DPP10: variants seen among roughly 807,000 people sequenced by gnomAD.
The protein encoded by DPP10 is dipeptidyl peptidase like 10.
In DPP10, 33 loss-of-function variants were observed where a neutral mutation model predicts 120.9. That is an observed-to-expected ratio of 0.27 (90% CI 0.21 to 0.37). The LOEUF is 0.37. DPP10 is among the 10% of genes least tolerant of loss of function. The pLI is 1.00. For missense variants in DPP10, 816 were observed against 942.8 expected, an observed-to-expected ratio of 0.87 and a Z score of 1.76; for synonymous variants, 337 against 326.1, an observed-to-expected ratio of 1.03 and a Z score of -0.36.
intron 2 of DPP10, among the ~76,000 whole-genome samples, chr2:115,338,038 A>T (rs185996969): frequency 6.8e-4 from 104 of 152,218 alleles, no homozygotes; most frequent in African/African-American, 2.3e-3. Flanking sequence ...AATTGGAGTT[A>T]AAAAATATTA....
intron 1 of DPP10, among the ~76,000 whole-genome samples, chr2:114,610,554 C>T (rs1375151295): frequency 3.3e-5 from 5 of 151,988 alleles, no homozygotes; most frequent in Admixed American, 2.6e-4. Flanking sequence ...TGAAGAGGTG[C>T]TTTGAGTTTT....
intron 1 of DPP10, among the ~76,000 whole-genome samples, chr2:114,870,177 CTTCAA>C (rs1324763899): frequency 6.6e-6 from 1 of 152,104 alleles, no homozygotes; most frequent in African/African-American, 2.4e-5. Context: ...TAATGGCTGA[CTTCAA>C]TTCATTTTCC....
At chr2:115,711,255 A>G (rs1431213475) in intron 7 of DPP10, among the ~76,000 whole-genome samples, 2 of 152,194 alleles carry the variant, frequency 1.3e-5, no homozygotes, top group Admixed American at 6.5e-5. Flanking sequence ...GAAAAGAAAT[A>G]GAGACCTTAC....
intron 1 of DPP10, among the ~76,000 whole-genome samples, chr2:115,271,801 A>G (rs1369810265): frequency 6.6e-6 from 1 of 152,126 alleles, no homozygotes; most frequent in Non-Finnish European, 1.5e-5. Flanking sequence ...TTTTTATTAA[A>G]ACTTGACAAA....
chr2:114,582,452 G>A (rs6542216), intron 1 of DPP10, among the ~76,000 whole-genome samples: 151,997 of 152,336 alleles, frequency 1, 75,832 homozygotes, highest in Middle Eastern at 1. Flanking sequence ...TTTTGTAAAT[G>A]CCAAGGAACT....
At chr2:114,790,684 G>T (rs1238466605) in intron 1 of DPP10, among the ~76,000 whole-genome samples, 1 of 152,010 alleles carries the variant, frequency 6.6e-6, no homozygotes. Context: ...TTCGCAAGGT[G>T]CTCAGTGGGG....
intron 3 of DPP10, among the ~76,000 whole-genome samples, chr2:115,344,815 ATAATATCT>A (rs2063630986): frequency 6.6e-6 from 1 of 152,174 alleles, no homozygotes; most frequent in African/African-American, 2.4e-5. Flanking sequence ...TTATTTGGGC[ATAATATCT>A]TTGCTAATTT....
Position 114,937,060 on chromosome 2 carries a change from T to C in DPP10, c.61-372179T>C, listed in dbSNP as rs117898985. On this transcript the variant is annotated intron_variant, in intron 1 of 25. Transcript: ENST00000410059. ...TCTGTGGGTTGTCTGTGAACTCTAC[T>C]GATTATTTCTTTTGCTGTGCAGAAG... 2.0e-5 allele frequency among the ~76,000 whole-genome samples: 3 copies of C among 152,290 alleles called. No homozygotes were observed. In the East Asian group the frequency reaches 5.8e-4, roughly 29 times the overall value.
At chr2:115,069,468 T>G (rs1707194420) in intron 1 of DPP10, among the ~76,000 whole-genome samples, 1 of 152,106 alleles carries the variant, frequency 6.6e-6, no homozygotes, top group Non-Finnish European at 1.5e-5. Flanking sequence ...ATATATACAG[T>G]CATGCCATCT....
At chr2:115,767,319 C>T (rs1462600490) in intron 12 of DPP10, among the ~76,000 whole-genome samples, 2 of 152,080 alleles carry the variant, frequency 1.3e-5, no homozygotes, top group African/African-American at 4.8e-5. Flanking sequence ...TTGTGCAGAG[C>T]TACTCAGGAC....
intron 1 of DPP10, among the ~76,000 whole-genome samples, chr2:114,497,251 A>G (rs1381870639): frequency 3.4e-5 from 5 of 146,960 alleles, no homozygotes; most frequent in African/African-American, 1.3e-4. Flanking sequence ...ATGTGTATGC[A>G]TGTACGTGTG....
chr2:115,593,451 A>G (rs1196641937), intron 5 of DPP10, among the ~76,000 whole-genome samples: 2 of 152,224 alleles, frequency 1.3e-5, no homozygotes, highest in Admixed American at 6.5e-5. Context: ...GGTTGTTCAT[A>G]TATAAGTTGC....
At chr2:114,795,454 G>A (rs1216201608) in intron 1 of DPP10, among the ~76,000 whole-genome samples, 1 of 151,798 alleles carries the variant, frequency 6.6e-6, no homozygotes, top group Non-Finnish European at 1.5e-5. Context: ...TTGTGCCATT[G>A]CACTCCAGCC....
chr2:114,560,907 C>A (rs564291135), intron 1 of DPP10, among the ~76,000 whole-genome samples: 9 of 152,200 alleles, frequency 5.9e-5, no homozygotes, highest in East Asian at 3.9e-4. Flanking sequence ...GGGGAGAAGT[C>A]TCATGCTTCA....
Position 115,843,403 on chromosome 2 carries a change from TTCTC to T in DPP10, c.*1061_*1064del, listed in dbSNP as rs1397784593. The T allele has an allele frequency of 6.6e-6, 1 of 152,604 alleles. No homozygotes were observed. Among genetic ancestry groups the T allele is most frequent in the Non-Finnish European group, 1.5e-5 (1 of 68,036 alleles). 9.5% of individuals were successfully genotyped at this position (152,604 alleles called of 1,614,324 possible). On this transcript the variant is annotated 3_prime_UTR_variant, in exon 26 of 26. Transcript: ENST00000410059. ...CAAAACTCTTGGTCCTTTTACTTCT[TTCTC>T]TCAGTGCAGAATCAATTCTCATTTT...
intron 3 of DPP10, among the ~76,000 whole-genome samples, chr2:115,435,783 A>T (rs1258842821): frequency 6.6e-6 from 1 of 151,934 alleles, no homozygotes; most frequent in African/African-American, 2.4e-5. Context: ...AATGTCCTGA[A>T]GAATTTCCCC....
chr2:114,757,680 T>G (rs1289602532), intron 1 of DPP10, among the ~76,000 whole-genome samples: 2 of 152,078 alleles, frequency 1.3e-5, no homozygotes, highest in East Asian at 3.9e-4. Context: ...TTAAGTGTGG[T>G]CCCCTGACCA....
At chr2:115,283,694 T>TA (rs1388750720) in intron 1 of DPP10, among the ~76,000 whole-genome samples, 1 of 152,072 alleles carries the variant, frequency 6.6e-6, no homozygotes, top group Non-Finnish European at 1.5e-5. Context: ...TGGCAATCTT[T>TA]AAAAATGTGG....
At chr2:115,466,950 A>G (rs1405139425) in intron 3 of DPP10, among the ~76,000 whole-genome samples, 2 of 152,132 alleles carry the variant, frequency 1.3e-5, no homozygotes, top group Non-Finnish European at 2.9e-5. Context: ...TTTTCTTTGA[A>G]TTCAATTTTT....
Sources: allele counts gnomAD v4.1 joint callset (sites outside exome capture counted in the v4.1 genomes callset), GRCh38; gene constraint gnomAD v4.1.1; transcripts MANE v1.5; gene names NCBI Gene and HGNC (gene_info 2026-07-23, HGNC 2026-07-21).